KHDRBS2: variants seen among roughly 807,000 people sequenced by gnomAD.
KHDRBS2 encodes the protein KH domain-containing, RNA-binding, signal transduction-associated protein 2.
KHDRBS2 carries 26 observed loss-of-function variants against 44.3 expected under a neutral mutation model. The ratio of observed to expected loss-of-function variants is 0.59; its 90% CI spans 0.43 to 0.81. The LOEUF (loss-of-function observed/expected upper bound fraction) is 0.81, where lower values mean the gene tolerates loss of function less well. Among genes scored for constraint, KHDRBS2 ranks in the 40% least tolerant of loss-of-function variants. The pLI is 0.00. For synonymous variants in KHDRBS2, 194 were observed against 151.1 expected, an observed-to-expected ratio of 1.28 and a Z score of -2.08; for missense variants, 476 against 433.1, an observed-to-expected ratio of 1.10 and a Z score of -0.88.
intron 4 of KHDRBS2, among the ~76,000 whole-genome samples, chr6:61,940,635 C>T (rs1811956510): frequency 6.6e-6 from 1 of 152,132 alleles, no homozygotes; most frequent in Admixed American, 6.5e-5. Context: ...TCAGCTATAG[C>T]AAGGTACCAT....
At chr6:61,660,825 C>T in the KHDRBS2 span, among the ~76,000 whole-genome samples, 1 of 151,792 alleles carries the variant, frequency 6.6e-6, no homozygotes, top group Non-Finnish European at 1.5e-5. Context: ...TACAGTCATA[C>T]TTTAGGCAAA....
the KHDRBS2 span, among the ~76,000 whole-genome samples, chr6:61,665,823 T>C: frequency 6.6e-6 from 1 of 151,110 alleles, no homozygotes; most frequent in East Asian, 2.0e-4. Flanking sequence ...TTTAATTCCA[T>C]CATAATGAAT....
intron 2 of KHDRBS2, among the ~76,000 whole-genome samples, chr6:62,139,985 A>G (rs1812441445): frequency 6.6e-6 from 1 of 152,068 alleles, no homozygotes. Flanking sequence ...TTTACTTTCA[A>G]ATATTCAGTT....
chr6:62,164,549 A>C (rs1009206160), intron 2 of KHDRBS2, among the ~76,000 whole-genome samples: 1 of 151,792 alleles, frequency 6.6e-6, no homozygotes, highest in Non-Finnish European at 1.5e-5. Flanking sequence ...TTTACTTCAA[A>C]TTATCTGTCT....
chr6:62,263,434 G>A (rs967408318), intron 1 of KHDRBS2, among the ~76,000 whole-genome samples: 6 of 151,452 alleles, frequency 4.0e-5, no homozygotes, highest in African/African-American at 1.2e-4. Flanking sequence ...GCTGCATATT[G>A]TCTCAACCAA....
chr6:61,846,168 C>T (rs1794375415), intron 6 of KHDRBS2, among the ~76,000 whole-genome samples: 17 of 152,176 alleles, frequency 1.1e-4, no homozygotes, highest in Admixed American at 1.1e-3. Flanking sequence ...AACTGTGAGC[C>T]AATTAAACCC....
chr6:61,839,890 A>T (rs1207016332), intron 6 of KHDRBS2, among the ~76,000 whole-genome samples: 1 of 152,136 alleles, frequency 6.6e-6, no homozygotes, highest in East Asian at 1.9e-4. Context: ...TTTTCAGTTC[A>T]TGACTGATGG....
At chr6:61,558,983 G>T in the KHDRBS2 span, among the ~76,000 whole-genome samples, 1 of 152,002 alleles carries the variant, frequency 6.6e-6, no homozygotes, top group Non-Finnish European at 1.5e-5. Context: ...CTTCCTGTCT[G>T]GTGGATCTGT....
At chr6:61,789,513 C>G (rs1281112910) in intron 6 of KHDRBS2, among the ~76,000 whole-genome samples, 1 of 151,378 alleles carries the variant, frequency 6.6e-6, no homozygotes, top group Non-Finnish European at 1.5e-5. Context: ...TTTGTATAGG[C>G]AAGTAACATG....
At chr6:61,655,502 G>A in the KHDRBS2 span, among the ~76,000 whole-genome samples, 4 of 151,968 alleles carry the variant, frequency 2.6e-5, no homozygotes, top group South Asian at 2.1e-4. Flanking sequence ...TGATCCATCC[G>A]CCTTGGTCTC....
At chr6:61,951,238 T>A (rs1764672999) in intron 4 of KHDRBS2, among the ~76,000 whole-genome samples, 1 of 152,040 alleles carries the variant, frequency 6.6e-6, no homozygotes, top group African/African-American at 2.4e-5. Context: ...TTTGCTGCTC[T>A]AAAAAGGTAG....
At chr6:62,059,740 T>A (rs1050187659) in intron 2 of KHDRBS2, among the ~76,000 whole-genome samples, 2 of 151,746 alleles carry the variant, frequency 1.3e-5, no homozygotes, top group African/African-American at 2.4e-5. Context: ...GTTGTAATTT[T>A]CTATACAGGG....
At chr6:61,635,221 C>A in the KHDRBS2 span, among the ~76,000 whole-genome samples, 1 of 151,778 alleles carries the variant, frequency 6.6e-6, no homozygotes, top group Non-Finnish European at 1.5e-5. Context: ...ATAAGTATAC[C>A]AGCCCATTGG....
intron 3 of KHDRBS2, among the ~76,000 whole-genome samples, chr6:62,017,020 T>C (rs967983702): frequency 3.3e-5 from 5 of 152,208 alleles, no homozygotes; most frequent in African/African-American, 4.8e-5. Flanking sequence ...AATCTGTTTT[T>C]CTTTTTTAAT....
chr6:61,952,113 T>A (rs1013561423), intron 4 of KHDRBS2, among the ~76,000 whole-genome samples: 2 of 152,106 alleles, frequency 1.3e-5, no homozygotes, highest in Non-Finnish European at 2.9e-5. Flanking sequence ...TATTTTCCAA[T>A]TCATTTTTAT....
At chr6:62,069,272 T>C (rs994875263) in intron 2 of KHDRBS2, among the ~76,000 whole-genome samples, 2 of 151,626 alleles carry the variant, frequency 1.3e-5, no homozygotes, top group African/African-American at 4.8e-5. Flanking sequence ...TTATAAAAAA[T>C]AAGCTGAAGA....
chr6:61,814,339 C>T (rs1408544468), intron 6 of KHDRBS2, among the ~76,000 whole-genome samples: 3 of 152,090 alleles, frequency 2.0e-5, no homozygotes, highest in Admixed American at 6.6e-5. Flanking sequence ...TGGCCGGGAG[C>T]GGTGGCTCGT....
chr6:62,199,815 C>G (rs534616357), intron 1 of KHDRBS2, among the ~76,000 whole-genome samples: 2 of 152,142 alleles, frequency 1.3e-5, no homozygotes, highest in Non-Finnish European at 1.5e-5. Context: ...GGAGGCATCA[C>G]GCTACCTGAC....
the KHDRBS2 span, among the ~76,000 whole-genome samples, chr6:61,621,921 G>C: frequency 1.3e-5 from 2 of 152,260 alleles, no homozygotes; most frequent in East Asian, 3.9e-4. Flanking sequence ...TTTAGCACCT[G>C]AAAAAAGCTT....
Sources: gnomAD v4.1 joint callset for allele counts (sites outside exome capture counted in the v4.1 genomes callset) on GRCh38, gnomAD v4.1.1 for gene constraint, MANE v1.5 for transcripts, NCBI Gene and HGNC (gene_info 2026-07-23, HGNC 2026-07-21) for gene names.